Variants in GLIS3 observed in about 807,000 individuals in gnomAD.
GLIS3 encodes the protein GLIS family zinc finger 3.
GLIS3 carries 53 observed loss-of-function variants against 78.6 expected under a neutral mutation model. The observed-to-expected ratio is 0.67, with a 90% confidence interval of 0.54 to 0.85. The LOEUF (loss-of-function observed/expected upper bound fraction) is 0.85, where lower values mean the gene tolerates loss of function less well. Ranked by LOEUF, GLIS3 falls within the 40% of genes least tolerant of loss-of-function variation. GLIS3 has a pLI of 0.00. For synonymous variants in GLIS3, 684 were observed against 509.9 expected, an observed-to-expected ratio of 1.34 and a Z score of -4.60; for missense variants, 1,703 against 1,231.1, an observed-to-expected ratio of 1.38 and a Z score of -5.74.
intron 2 of GLIS3, among the ~76,000 whole-genome samples, chr9:4,157,028 C>A (rs1341876963): frequency 1.3e-5 from 2 of 152,242 alleles, no homozygotes; most frequent in Non-Finnish European, 2.9e-5. Context: ...GCTCTAACAT[C>A]TGTCACAGTC....
At chr9:4,483,491 GGGCA>G in the GLIS3 span, among the ~76,000 whole-genome samples, 1 of 151,986 alleles carries the variant, frequency 6.6e-6, no homozygotes, top group Admixed American at 6.6e-5. Context: ...AGGCCAAGGT[GGGCA>G]GATCACGAGG....
chr9:4,269,073 C>G (rs999461189), intron 2 of GLIS3, among the ~76,000 whole-genome samples: 1 of 152,178 alleles, frequency 6.6e-6, no homozygotes, highest in Non-Finnish European at 1.5e-5. Context: ...ACATTTAGTC[C>G]AAGCTTTCTC....
intron 2 of GLIS3, among the ~76,000 whole-genome samples, chr9:4,186,122 G>C (rs1431630855): frequency 4.0e-5 from 6 of 151,182 alleles, no homozygotes; most frequent in Admixed American, 2.0e-4. Flanking sequence ...TTAGCATTAG[G>C]TATATCTCCT....
chr9:4,293,185 A>C (rs1305664112), intron 1 of GLIS3, among the ~76,000 whole-genome samples: 2 of 152,254 alleles, frequency 1.3e-5, no homozygotes, highest in African/African-American at 4.8e-5. Flanking sequence ...CATATGACTA[A>C]GTATTTGCAA....
rs77906276 is a variant in GLIS3, at chr9:4,020,298, T to C, written c.1711-83109A>G. Among the ~76,000 whole-genome samples, 565 of 151,694 alleles carry C rather than the reference T, an allele frequency of 3.7e-3. 4 individuals are homozygous for C. Among genetic ancestry groups the C allele is most frequent in the African/African-American group, 0.013 (539 of 41,322 alleles). On this transcript the variant is annotated intron_variant, in intron 4 of 10. Transcript: ENST00000381971. The stretch of plus-strand genomic sequence containing the variant: ...TTAAGGGAAAGTTCTGTTTGTTTTG[T>C]TTTTTTTGTTTTGTTTTGTTTTGTT...
At chr9:4,223,692 G>A (rs1282362670) in intron 2 of GLIS3, among the ~76,000 whole-genome samples, 4 of 152,100 alleles carry the variant, frequency 2.6e-5, no homozygotes, top group African/African-American at 9.7e-5. Context: ...AACTCCCTTA[G>A]GCTTCTGGCC....
intron 2 of GLIS3, among the ~76,000 whole-genome samples, chr9:4,216,204 G>T (rs1403422880): frequency 6.6e-6 from 1 of 151,940 alleles, no homozygotes; most frequent in African/African-American, 2.4e-5. Context: ...CAGGCACGGT[G>T]GCTCACACCT....
chr9:4,304,372 T>A (rs538412870), upstream of GLIS3, among the ~76,000 whole-genome samples: 52 of 152,326 alleles, frequency 3.4e-4, no homozygotes, highest in African/African-American at 1.2e-3. Context: ...TATTATAAAC[T>A]GAAGATTTAA....
intron 4 of GLIS3, among the ~76,000 whole-genome samples, chr9:4,082,833 T>A (rs1207718886): frequency 6.6e-6 from 1 of 152,222 alleles, no homozygotes; most frequent in Admixed American, 6.5e-5. Context: ...CATATTCACT[T>A]TCGAAACAGA....
At chr9:4,173,932 ACG>A (rs201292363) in intron 2 of GLIS3, among the ~76,000 whole-genome samples, 3 of 82,954 alleles carry the variant, frequency 3.6e-5, no homozygotes, top group Middle Eastern at 5.4e-3. Flanking sequence ...ACACACACAC[ACG>A]CACGCACGCA....
chr9:3,971,894 G>A (rs1386994766), intron 4 of GLIS3, among the ~76,000 whole-genome samples: 1 of 152,132 alleles, frequency 6.6e-6, no homozygotes, highest in Non-Finnish European at 1.5e-5. Flanking sequence ...TGGCACTGGA[G>A]GCAGTGCTGG....
rs570892956 is a variant in GLIS3 at position 3,983,965 on chromosome 9, T to A, written c.1711-46776A>T. Among the ~76,000 whole-genome samples, 23 of 152,294 alleles carry A rather than the reference T, an allele frequency of 1.5e-4. 1 individual carries two copies. Among genetic ancestry groups the A allele is most frequent in the Non-Finnish European group, 5.9e-5 (4 of 68,026 alleles). ...AGTCAAATGTTAATCCCAAAGACAA[T>A]GGGGAAAATGTCTCCAGGGCATGTC... is the stretch of plus-strand genomic sequence containing the variant. On this transcript the variant is annotated intron_variant, in intron 4 of 10. Transcript: ENST00000381971.
chr9:4,379,931 AAGG>A, the GLIS3 span, among the ~76,000 whole-genome samples: 3 of 152,144 alleles, frequency 2.0e-5, no homozygotes, highest in Non-Finnish European at 4.4e-5. Context: ...ACCAAAAAAA[AAGG>A]AGGTCTGTCT....
chr9:3,984,483 C>T (rs1273671463), intron 4 of GLIS3, among the ~76,000 whole-genome samples: 1 of 152,192 alleles, frequency 6.6e-6, no homozygotes, highest in East Asian at 1.9e-4. Context: ...GCCAATTTCT[C>T]CCATTTGGAA....
chr9:3,838,330 CAGTACTT>C (rs1818487373), intron 9 of GLIS3, among the ~76,000 whole-genome samples: 2 of 152,090 alleles, frequency 1.3e-5, no homozygotes, highest in Non-Finnish European at 2.9e-5. Context: ...CCATACACCC[CAGTACTT>C]AAGAGAGACC....
intron 8 of GLIS3, among the ~76,000 whole-genome samples, chr9:3,868,688 T>C (rs903640576): frequency 2.0e-5 from 3 of 152,148 alleles, no homozygotes; most frequent in Non-Finnish European, 4.4e-5. Flanking sequence ...TACATCCCCC[T>C]TATTGGCCCA....
At chr9:4,100,427 A>G (rs1338064222) in intron 4 of GLIS3, among the ~76,000 whole-genome samples, 1 of 152,224 alleles carries the variant, frequency 6.6e-6, no homozygotes, top group Non-Finnish European at 1.5e-5. Context: ...CACCTGGATA[A>G]TCAGGGAAAA....
At chr9:4,160,518 C>T (rs886514719) in intron 2 of GLIS3, among the ~76,000 whole-genome samples, 3 of 152,256 alleles carry the variant, frequency 2.0e-5, no homozygotes, top group Non-Finnish European at 4.4e-5. Context: ...ACATGCGATA[C>T]AGGCCTTACT....
rs1035747425 is a variant in GLIS3 at position 4,299,430 on chromosome 9, G to C, written c.-108C>G. On this transcript the variant is annotated 5_prime_UTR_variant, in exon 1 of 11. Transcript: ENST00000381971. ...TATGGCATCCACTTACCAGGTAACC[G>C]GGATTTCCACAACAAAGCCCGGCGT... 5 of 152,402 alleles carry C rather than the reference G, an allele frequency of 3.3e-5. No homozygotes were observed. Among genetic ancestry groups the C allele is most frequent in the African/African-American group, 1.2e-4 (5 of 41,474 alleles). The allele number at this position is 152,402 out of a possible 1,614,324, so 9.4% of individuals were successfully genotyped here.
Sources: gnomAD v4.1 joint callset for allele counts (sites outside exome capture counted in the v4.1 genomes callset) on GRCh38, gnomAD v4.1.1 for gene constraint, MANE v1.5 for transcripts, NCBI Gene and HGNC (gene_info 2026-07-23, HGNC 2026-07-21) for gene names.